KIF1A: variants seen among roughly 807,000 people sequenced by gnomAD.
KIF1A encodes the protein kinesin-like protein KIF1A.
KIF1A carries 46 observed loss-of-function variants against 227.3 expected under a neutral mutation model. The observed-to-expected ratio is 0.20, with a 90% confidence interval of 0.16 to 0.26. The LOEUF (loss-of-function observed/expected upper bound fraction) is 0.26, where lower values mean the gene tolerates loss of function less well. Among genes scored for constraint, KIF1A ranks in the 10% least tolerant of loss-of-function variants. The pLI, the probability that KIF1A is intolerant of heterozygous loss-of-function variation, is 1.00. For missense variants in KIF1A, 1,683 were observed against 2,485.9 expected (o/e 0.68, Z 6.87); for synonymous variants, 1,022 against 1,012.8 (o/e 1.01, Z -0.17).
Position 240,780,759 on chromosome 2 carries a change from C to CGAA in KIF1A, c.882+1830_882+1831insTTC, listed in dbSNP as rs1559522268. Among the ~76,000 whole-genome samples, 143 of 150,120 alleles carry CGAA rather than the reference C, an allele frequency of 9.5e-4. 5 individuals carry two copies. Among genetic ancestry groups the CGAA allele is most frequent in the African/African-American group, 3.4e-3 (136 of 40,382 alleles). The stretch of plus-strand genomic sequence containing the variant: ...TGGACACACAGTTCTCTGCAGGCTC[C>CGAA]CCACACAGCTCCACACACACACACA... On this transcript the variant is annotated intron_variant, in intron 10 of 48. Transcript: ENST00000498729.
intron 1 of KIF1A, among the ~76,000 whole-genome samples, chr2:240,800,433 G>A (rs2056869213): frequency 6.6e-6 from 1 of 152,156 alleles, no homozygotes; most frequent in Non-Finnish European, 1.5e-5. Context: ...TCAGTGTGCA[G>A]CCACAAGCCA....
Position 240,763,060 on chromosome 2 carries a change from C to T in KIF1A, c.1981G>A (p.Glu661Lys). The change falls in exon 22 of 49, where the codon GAG becomes AAG. Residue 661 changes from glutamate (E) to lysine (K), a missense_variant. Glu to Lys is a moderately conservative substitution (Grantham distance 56, BLOSUM62 1). Transcript: ENST00000498729. ...LQELEDQYRR[E>K]REEATYLLEQ... ...AGCAGGTAGGTGGCCTCCTCCCGCT[C>T]GCGGCGGTACTGGTCCTCCAGTTCC... 1.3e-6 allele frequency: 2 copies of T among 1,548,216 alleles called. No individual in the cohort carries two copies. The highest frequency in any genetic ancestry group is 8.7e-7 in the Non-Finnish European group (1 of 1,148,850).
rs371014474 is a variant in KIF1A at position 240,720,961 on chromosome 2, G to A, written c.4821C>T (p.Ser1607=). The A allele has an allele frequency of 2.2e-4, 349 of 1,601,994 alleles. 1 individual carries two copies. The highest frequency in any genetic ancestry group is 2.7e-4 in the Non-Finnish European group (313 of 1,174,932). ...PLGVATLTPS[S]TCPSLVEGRY... ...GCCCTTCAACCAGAGAGGGGCAAGT[G>A]GAGGAGGGGGTGAGAGTGGCCACCC... is the stretch of plus-strand genomic sequence containing the variant. Residue 1607 remains serine, a synonymous_variant, in exon 45 of 49, where the codon TCC becomes TCT. Transcript: ENST00000498729.
intron 38 of KIF1A, among the ~76,000 whole-genome samples, chr2:240,731,653 C>T (rs1008638857): frequency 6.6e-6 from 1 of 152,220 alleles, no homozygotes; most frequent in Non-Finnish European, 1.5e-5. Flanking sequence ...CCACTCTCCC[C>T]TCCACCTCTG....
chr2:240,730,153 C>A lies in KIF1A; in HGVS notation c.4008-3213G>T, dbSNP rs118056495. 1.4e-4 allele frequency among the ~76,000 whole-genome samples: 21 copies of A among 152,282 alleles called. 1 individual carries two copies. In the East Asian group the frequency reaches 4.1e-3, roughly 29 times the overall value. On this transcript the variant is annotated intron_variant, in intron 38 of 48. Coordinates refer to ENST00000498729, the MANE Select transcript of KIF1A (RefSeq NM_001244008.2). Reference sequence around the variant, plus strand: ...AGGGAGGACAAGTCTTACCCAGATCCCAAGTGAGATTAGAGGAGACAACAG... The same window carrying A: ...AGGGAGGACAAGTCTTACCCAGATCACAAGTGAGATTAGAGGAGACAACAG...
chr2:240,795,045 A>G (rs905868907), intron 2 of KIF1A, among the ~76,000 whole-genome samples: 9 of 152,158 alleles, frequency 5.9e-5, no homozygotes, highest in African/African-American at 2.2e-4. Flanking sequence ...CCCCACAGAC[A>G]TTTAATTTAG....
At chr2:240,804,602 A>T (rs2057229632) in intron 1 of KIF1A, among the ~76,000 whole-genome samples, 1 of 152,198 alleles carries the variant, frequency 6.6e-6, no homozygotes, top group African/African-American at 2.4e-5. Flanking sequence ...ACAAAATTGA[A>T]TCCTTCAAAG....
intron 4 of KIF1A, 73 bp from the exon 5 acceptor site, chr2:240,787,389 G>C: frequency 7.4e-7 from 1 of 1,348,940 alleles, no homozygotes; most frequent in Non-Finnish European, 1.1e-6. Flanking sequence ...TTGCGATACT[G>C]TGGGCAGCCT....
At chr2:240,774,479 C>T (rs777814866) in intron 11 of KIF1A, among the ~76,000 whole-genome samples, 20 of 150,216 alleles carry the variant, frequency 1.3e-4, no homozygotes, top group Non-Finnish European at 2.2e-4. Flanking sequence ...AACCAGGCAC[C>T]GCTATTATTT....
At chr2:240,804,450 G>A (rs2057219377) in intron 1 of KIF1A, among the ~76,000 whole-genome samples, 1 of 152,136 alleles carries the variant, frequency 6.6e-6, no homozygotes, top group Non-Finnish European at 1.5e-5. Flanking sequence ...AAAAGAGGAA[G>A]AAGGAGATGG....
At chr2:240,786,785 AGT>A in intron 5 of KIF1A, among the ~76,000 whole-genome samples, 1 of 132,366 alleles carries the variant, frequency 7.6e-6, no homozygotes, top group African/African-American at 3.5e-5. Flanking sequence ...AGGACCCCTG[AGT>A]GAGGGGGTGG....
intron 38 of KIF1A, among the ~76,000 whole-genome samples, chr2:240,733,546 C>T (rs1290682524): frequency 6.6e-6 from 1 of 152,196 alleles, no homozygotes; most frequent in African/African-American, 2.4e-5. Flanking sequence ...TGTGCACGTG[C>T]TCAAGGGACC....
At chr2:240,771,748 A>G (rs1461004013) in intron 14 of KIF1A, among the ~76,000 whole-genome samples, 1 of 152,168 alleles carries the variant, frequency 6.6e-6, no homozygotes, top group Non-Finnish European at 1.5e-5. Flanking sequence ...ATTGGCCCAG[A>G]GACCATCCTG....
At chr2:240,780,830 C>CCACACACACACAGCTCCACA (rs2053641362) in intron 10 of KIF1A, among the ~76,000 whole-genome samples, 1 of 10,070 alleles carries the variant, frequency 9.9e-5, no homozygotes, top group Non-Finnish European at 1.8e-4. Context: ...ACACACAGCT[C>CCACACACACACAGCTCCACA]CACACACACA....
intron 20 of KIF1A, 94 bp from the exon 21 acceptor site, chr2:240,763,440 G>T: frequency 8.2e-7 from 1 of 1,221,692 alleles, no homozygotes; most frequent in African/African-American, 1.6e-5. Context: ...AGGGGAACGG[G>T]TGCAGGCACC....
At chr2:240,734,503 C>G (rs2047100245) in intron 38 of KIF1A, among the ~76,000 whole-genome samples, 1 of 152,080 alleles carries the variant, frequency 6.6e-6, no homozygotes, top group Admixed American at 6.5e-5. Context: ...GCCAAGAGGA[C>G]AGGGTGGGAA....
rs2052634248 is a variant in KIF1A at position 240,775,680 on chromosome 2, G to A, written c.958+171C>T. ...TAACCCACTGCTGGCCGTTGCCCCA[G>A]GTCCTCCAGAAGGGCCACGAACTGA... is the stretch of plus-strand genomic sequence containing the variant. On this transcript the variant is annotated intron_variant, in intron 11 of 48. Transcript: ENST00000498729. The surrounding 1 kb of genome is among the most constrained non-coding windows in gnomAD (Gnocchi z 5.5). Among the ~76,000 whole-genome samples the A allele has an allele frequency of 6.6e-6, 1 of 152,176 alleles. No individual in the cohort carries two copies. The highest frequency in any genetic ancestry group is 6.5e-5 in the Admixed American group (1 of 15,274).
rs2047283777 is a variant in KIF1A, at chr2:240,736,057, T to C, written c.4007+1006A>G. On this transcript the variant is annotated intron_variant, in intron 38 of 48. Transcript: ENST00000498729. The surrounding 1 kb of genome is among the most constrained non-coding windows in gnomAD (Gnocchi z 4.7). ...CTGGCTGCCCCTGCAGTGCCCTCCT[T>C]ACTGCAGTGCTAAGCCCCGATAGCC... Among the ~76,000 whole-genome samples the C allele has an allele frequency of 6.6e-6, 1 of 150,894 alleles. No individual in the cohort carries two copies.
In KIF1A at chr2:240,792,293, T is replaced by A. The variant is rs2055814978; in HGVS notation, c.107-2981A>T. ...TTGCCAGGGTCTGGAATTTTTTCCTTGTGCAGGTTTGAGGAGGGAGGAGGG... is the reference window on the plus strand; with the variant it reads ...TTGCCAGGGTCTGGAATTTTTTCCTAGTGCAGGTTTGAGGAGGGAGGAGGG... On this transcript the variant is annotated intron_variant, in intron 2 of 48. Transcript: ENST00000498729. This position sits in a 1 kb window ranked among gnomAD's most constrained non-coding sequence, Gnocchi z 4.5. Among the ~76,000 whole-genome samples the A allele has an allele frequency of 6.6e-6, 1 of 151,930 alleles. No homozygotes were observed. Among genetic ancestry groups the A allele is most frequent in the African/African-American group, 2.4e-5 (1 of 41,380 alleles).
Sources: allele counts gnomAD v4.1 joint callset (sites outside exome capture counted in the v4.1 genomes callset), GRCh38; gene constraint gnomAD v4.1.1; non-coding constraint Gnocchi (gnomAD v3.1); transcripts MANE v1.5; gene names NCBI Gene and HGNC (gene_info 2026-07-23, HGNC 2026-07-21).